DPP10: variants seen among roughly 807,000 people sequenced by gnomAD.
DPP10 encodes the protein inactive dipeptidyl peptidase 10.
A neutral mutation model predicts 120.9 loss-of-function variants in DPP10; 33 were observed. That is an observed-to-expected ratio of 0.27 (90% CI 0.21 to 0.37). The LOEUF (loss-of-function observed/expected upper bound fraction) is 0.37, where lower values mean the gene tolerates loss of function less well. Among genes scored for constraint, DPP10 ranks in the 10% least tolerant of loss-of-function variants. The probability of loss-of-function intolerance (pLI) is 1.00; values close to 1 mark genes in which losing one functional copy is unlikely to be tolerated. For missense variants in DPP10, 816 were observed against 942.8 expected (o/e 0.87, Z 1.76); for synonymous variants, 337 against 326.1 (o/e 1.03, Z -0.36).
At chr2:114,942,444 C>A (rs1197678336) in intron 1 of DPP10, among the ~76,000 whole-genome samples, 6 of 141,492 alleles carry the variant, frequency 4.2e-5, no homozygotes, top group African/African-American at 1.6e-4. Flanking sequence ...ATCTGTATCC[C>A]ATCATTAAAT....
chr2:115,203,687 T>C (rs1225806586), intron 1 of DPP10, among the ~76,000 whole-genome samples: 2 of 152,146 alleles, frequency 1.3e-5, no homozygotes, highest in Admixed American at 6.6e-5. Context: ...ATCCATGAAG[T>C]TGGCACTTTG....
intron 1 of DPP10, among the ~76,000 whole-genome samples, chr2:114,463,120 A>G (rs1013255522): frequency 3.9e-5 from 6 of 152,078 alleles, no homozygotes; most frequent in African/African-American, 9.7e-5. Context: ...CAGGGGATTC[A>G]TCGCTTCTAG....
intron 5 of DPP10, among the ~76,000 whole-genome samples, chr2:115,654,292 G>A (rs1407674886): frequency 1.3e-5 from 2 of 151,728 alleles, no homozygotes; most frequent in Admixed American, 6.6e-5. Context: ...AAATCAAAGC[G>A]AATTGCCTTT....
chr2:114,558,022 T>C (rs969833139), intron 1 of DPP10, among the ~76,000 whole-genome samples: 12 of 152,308 alleles, frequency 7.9e-5, no homozygotes, highest in Non-Finnish European at 1.5e-4. Flanking sequence ...ATCTCTTCCA[T>C]ACTCCAGGTG....
At chr2:114,961,972 AAAAT>A (rs1240173158) in intron 1 of DPP10, among the ~76,000 whole-genome samples, 2 of 152,118 alleles carry the variant, frequency 1.3e-5, no homozygotes, top group Admixed American at 1.3e-4. Context: ...ATAATAATAA[AAAAT>A]AAAAGGTACT....
chr2:114,589,525 A>G (rs1691283149), intron 1 of DPP10, among the ~76,000 whole-genome samples: 2 of 152,228 alleles, frequency 1.3e-5, no homozygotes. Flanking sequence ...AGCATATACA[A>G]GAATACACAT....
chr2:115,377,371 T>C (rs1196872610), intron 3 of DPP10, among the ~76,000 whole-genome samples: 1 of 152,212 alleles, frequency 6.6e-6, no homozygotes, highest in Admixed American at 6.5e-5. Flanking sequence ...TGTCTGTTCA[T>C]GTCCTTCACC....
chr2:115,163,325 T>A (rs968814798), intron 1 of DPP10, among the ~76,000 whole-genome samples: 2 of 152,174 alleles, frequency 1.3e-5, no homozygotes, highest in African/African-American at 4.8e-5. Flanking sequence ...TTGCGGTTTC[T>A]TTTCTCCTCT....
At chr2:115,597,680 T>C (rs1282157278) in intron 5 of DPP10, among the ~76,000 whole-genome samples, 1 of 151,788 alleles carries the variant, frequency 6.6e-6, no homozygotes, top group African/African-American at 2.4e-5. Context: ...TAGTGCTCAC[T>C]CCTCAAAAAT....
intron 1 of DPP10, among the ~76,000 whole-genome samples, chr2:114,507,194 T>C (rs1313853747): frequency 1.3e-5 from 2 of 151,866 alleles, no homozygotes; most frequent in African/African-American, 2.4e-5. Flanking sequence ...ACTACAGGCA[T>C]GCACTACAAC....
intron 3 of DPP10, among the ~76,000 whole-genome samples, chr2:115,421,777 A>C (rs1329987565): frequency 6.8e-6 from 1 of 146,588 alleles, no homozygotes; most frequent in African/African-American, 2.5e-5. Flanking sequence ...AGGCTGAGGC[A>C]GGAGAATCGC....
intron 1 of DPP10, among the ~76,000 whole-genome samples, chr2:114,453,249 T>G (rs1209567177): frequency 6.6e-6 from 1 of 152,200 alleles, no homozygotes; most frequent in Non-Finnish European, 1.5e-5. Flanking sequence ...AAACGTGTAT[T>G]AATTTAAAAT....
At chr2:115,273,533 T>C (rs2059787614) in intron 1 of DPP10, among the ~76,000 whole-genome samples, 1 of 152,148 alleles carries the variant, frequency 6.6e-6, no homozygotes. Context: ...AGATGGGTTT[T>C]CACCGTGTTA....
Position 115,481,270 on chromosome 2 carries a change from T to G in DPP10, c.272-18240T>G, listed in dbSNP as rs573129129. Among the ~76,000 whole-genome samples, 37 of 152,194 alleles carry G rather than the reference T, an allele frequency of 2.4e-4. No homozygotes were observed. The South Asian group carries it at 7.7e-3, about 32-fold the overall frequency. On this transcript the variant is annotated intron_variant, in intron 3 of 25. Transcript: ENST00000410059. ...CATCATAGAACAGTATTAGGGAAGA[T>G]CTTCTATGTCATGAATAAAGAGTTG... is the stretch of plus-strand genomic sequence containing the variant.
intron 1 of DPP10, among the ~76,000 whole-genome samples, chr2:114,691,678 T>G (rs1374945864): frequency 6.6e-6 from 1 of 152,106 alleles, no homozygotes; most frequent in African/African-American, 2.4e-5. Context: ...TTTGTACCTC[T>G]GGTAGAATTC....
chr2:115,828,595 C>T (rs1688615454), intron 21 of DPP10, among the ~76,000 whole-genome samples: 1 of 151,950 alleles, frequency 6.6e-6, no homozygotes, highest in South Asian at 2.1e-4. Context: ...GATAGTTCTG[C>T]TATGCCTCAA....
chr2:115,241,894 G>A (rs867841938), intron 1 of DPP10, among the ~76,000 whole-genome samples: 2 of 152,140 alleles, frequency 1.3e-5, no homozygotes, highest in South Asian at 4.1e-4. Flanking sequence ...TAATATACTA[G>A]TGAGGAATTC....
At chr2:114,954,098 T>TTTG (rs34222992) in intron 1 of DPP10, among the ~76,000 whole-genome samples, 1 of 150,284 alleles carries the variant, frequency 6.7e-6, no homozygotes, top group Non-Finnish European at 1.5e-5. Context: ...TTTTTTTTTT[T>TTTG]GATACAGAGT....
At chr2:114,463,257 A>G (rs1208048149) in intron 1 of DPP10, 1 of 152,298 alleles carries the variant, frequency 6.6e-6, no homozygotes, top group South Asian at 2.1e-4. Context: ...TGAGTTCACA[A>G]TGATGTTTCC....
Sources: allele counts gnomAD v4.1 joint callset (sites outside exome capture counted in the v4.1 genomes callset), GRCh38; gene constraint gnomAD v4.1.1; transcripts MANE v1.5; gene names NCBI Gene and HGNC (gene_info 2026-07-23, HGNC 2026-07-21).